Variants in DPPA2 observed in about 807,000 individuals in gnomAD.
DPPA2 encodes developmental pluripotency-associated protein 2.
A neutral mutation model predicts 36.2 loss-of-function variants in DPPA2; 26 were observed. That is an observed-to-expected ratio of 0.72 (90% CI 0.53 to 1.00). DPPA2 has a LOEUF of 1.00. Among genes scored for constraint, DPPA2 ranks in the 50% least tolerant of loss-of-function variants. The pLI, the probability that DPPA2 is intolerant of heterozygous loss-of-function variation, is 0.00. For synonymous variants in DPPA2, 113 were observed against 123.2 expected, an observed-to-expected ratio of 0.92 and a Z score of 0.55; for missense variants, 361 against 365.1, an observed-to-expected ratio of 0.99 and a Z score of 0.09.
At chr3:109,298,330 C>T (rs550007447) in intron 8 of DPPA2, among the ~76,000 whole-genome samples, 26 of 151,986 alleles carry the variant, frequency 1.7e-4, no homozygotes, top group Middle Eastern at 3.4e-3. Context: ...ACCTGTAATC[C>T]CTGAACTCAG....
chr3:109,312,780 T>C, intron 2 of DPPA2, 88 bp from the exon 3 acceptor site: 2 of 1,491,316 alleles, frequency 1.3e-6, no homozygotes, highest in Non-Finnish European at 1.8e-6. Flanking sequence ...AATAAGGAAC[T>C]GAGAAGACAG....
chr3:109,311,997 A>C (rs1285300729), intron 3 of DPPA2, among the ~76,000 whole-genome samples: 5 of 152,192 alleles, frequency 3.3e-5, no homozygotes, highest in African/African-American at 1.2e-4. Context: ...GCTGGTCCAG[A>C]AGAGCACTCT....
intron 8 of DPPA2, among the ~76,000 whole-genome samples, chr3:109,298,404 A>AC (rs1279156619): frequency 4.6e-5 from 7 of 151,926 alleles, no homozygotes; most frequent in Middle Eastern, 3.4e-3. Context: ...ACATGGTGAG[A>AC]CCCCATCTCT....
In DPPA2 at chr3:109,304,646, C is replaced by T; in HGVS notation, c.683G>A (p.Gly228Asp). The T allele has an allele frequency of 6.2e-7, 1 of 1,607,312 alleles. No individual in the cohort carries two copies. The highest frequency in any genetic ancestry group is 8.5e-7 in the Non-Finnish European group (1 of 1,177,434). The change falls in exon 7 of 9, where the codon GGC (glycine) becomes GAC (aspartate). Residue 228 changes from glycine (G) to aspartate (D), a missense_variant. Coordinates refer to ENST00000478945, the MANE Select transcript of DPPA2 (RefSeq NM_138815.4). ...CTTTGTGTCTGCCGAGAGAAGTCTG[C>T]CATGGACCACACACCACCTGACGCC... ...ASGVRWCVVH[G>D]RLLSADTKGW...
chr3:109,314,579 GTTAAGGATATGGTAGT>G, intron 1 of DPPA2, 24 bp from the exon 2 acceptor site: 2 of 1,605,092 alleles, frequency 1.2e-6, no homozygotes, highest in Non-Finnish European at 1.7e-6. Context: ...GGACAGCAAT[GTTAAGGATATGGTAGT>G]TTACTTCTCT....
chr3:109,308,265 C>A lies in DPPA2; in HGVS notation c.425G>T (p.Arg142Ile), dbSNP rs903745508. The A allele has an allele frequency of 6.2e-7, 1 of 1,614,218 alleles. No individual in the cohort carries two copies. Among genetic ancestry groups the A allele is most frequent in the Non-Finnish European group, 8.5e-7 (1 of 1,180,036 alleles). The change falls in exon 6 of 9, where the codon AGA becomes ATA. Residue 142 changes from arginine (R) to isoleucine (I), a missense_variant. Transcript: ENST00000478945. ...GCGTTTCCTCGAACATCGCTGTAATCTGGTCTCTTGTGACATTTCAGGCAT... is the reference window on the plus strand; with the variant it reads ...GCGTTTCCTCGAACATCGCTGTAATATGGTCTCTTGTGACATTTCAGGCAT... Reference protein sequence around the residue: ...QDMPEMSQETRLQRCSRKRKA... With the variant: ...QDMPEMSQETILQRCSRKRKA...
intron 6 of DPPA2, among the ~76,000 whole-genome samples, chr3:109,305,431 C>T (rs1435604300): frequency 6.6e-6 from 1 of 152,144 alleles, no homozygotes; most frequent in Non-Finnish European, 1.5e-5. Flanking sequence ...TACCTAACCA[C>T]TACATTGTAC....
chr3:109,304,759 T>G, intron 6 of DPPA2, 89 bp from the exon 7 acceptor site: 1 of 1,325,402 alleles, frequency 7.5e-7, no homozygotes, highest in African/African-American at 1.5e-5. Flanking sequence ...TTTGCTCTTG[T>G]ATTCTGCTCA....
At chr3:109,303,393 G>C (rs1189923424) in intron 7 of DPPA2, among the ~76,000 whole-genome samples, 5 of 145,276 alleles carry the variant, frequency 3.4e-5, no homozygotes, top group Admixed American at 3.4e-4. Context: ...TTTTTGAGAC[G>C]GAGTTTCACT....
intron 7 of DPPA2, among the ~76,000 whole-genome samples, chr3:109,303,275 T>G (rs1270794545): frequency 6.6e-6 from 1 of 151,978 alleles, no homozygotes; most frequent in Non-Finnish European, 1.5e-5. Context: ...CTTCCACAAC[T>G]GGTAAGCTCT....
chr3:109,311,097 C>T lies in DPPA2; in HGVS notation c.181+1448G>A, dbSNP rs186463453. ...GATTATAGGTGTAAGCCATCATGTCCGGCCTCAAACCTATGTTTGGATTCT... is the reference window on the plus strand; with the variant it reads ...GATTATAGGTGTAAGCCATCATGTCTGGCCTCAAACCTATGTTTGGATTCT... On this transcript the variant is annotated intron_variant, in intron 3 of 8. Transcript: ENST00000478945. Among the ~76,000 whole-genome samples, 25 of 152,242 alleles carry T rather than the reference C, an allele frequency of 1.6e-4. No individual in the cohort carries two copies. The East Asian group carries it at 2.9e-3, about 18-fold the overall frequency.
At chr3:109,310,331 C>T (rs1325021259) in intron 3 of DPPA2, among the ~76,000 whole-genome samples, 1 of 142,912 alleles carries the variant, frequency 7.0e-6, no homozygotes, top group Non-Finnish European at 1.5e-5. Context: ...TTGCTTGAAC[C>T]CAGGAGGCAG....
In DPPA2 at chr3:109,310,697, T is replaced by G. The variant is rs538541645; in HGVS notation, c.182-1367A>C. Among the ~76,000 whole-genome samples the G allele has an allele frequency of 2.3e-4, 35 of 150,566 alleles. No homozygotes were observed. In the East Asian group the frequency reaches 2.6e-3, roughly 11 times the overall value. On this transcript the variant is annotated intron_variant, in intron 3 of 8. Coordinates refer to ENST00000478945, the MANE Select transcript of DPPA2 (RefSeq NM_138815.4). ...ATTTTTGTATTTTTAGTAGAGACGG[T>G]GTTTCACTATGTTGGCCAGGCTGGT...
At chr3:109,294,323 T>C (rs908208141) in intron 8 of DPPA2, among the ~76,000 whole-genome samples, 3 of 152,190 alleles carry the variant, frequency 2.0e-5, no homozygotes, top group African/African-American at 4.8e-5. Flanking sequence ...TGATTAATGA[T>C]ACTTTCAGAA....
chr3:109,308,644 G>A (rs148914303), intron 5 of DPPA2, among the ~76,000 whole-genome samples: 175 of 152,352 alleles, frequency 1.1e-3, no homozygotes, highest in African/African-American at 3.9e-3. Flanking sequence ...TTACAGGCAT[G>A]AGCCACCACA....
rs528634375 is a variant in DPPA2 at position 109,308,262 on chromosome 3, A to G, written c.428T>C (p.Leu143Ser). 49 of 1,614,250 alleles carry G rather than the reference A, an allele frequency of 3.0e-5. No homozygotes were observed. The African/African-American group carries it at 5.6e-4, about 18-fold the overall frequency. Residue 143 changes from leucine (L) to serine (S), a missense_variant, in exon 6 of 9, where the codon TTA (leucine) becomes TCA (serine). Coordinates refer to ENST00000478945, the MANE Select transcript of DPPA2 (RefSeq NM_138815.4). ...DMPEMSQETR[L>S]QRCSRKRKAV... ...CTTGCGTTTCCTCGAACATCGCTGT[A>G]ATCTGGTCTCTTGTGACATTTCAGG... is the stretch of plus-strand genomic sequence containing the variant.
intron 8 of DPPA2, among the ~76,000 whole-genome samples, chr3:109,299,596 G>A (rs368410939): frequency 6.6e-5 from 10 of 150,480 alleles, no homozygotes; most frequent in South Asian, 6.3e-4. Context: ...GGAGGCAGGC[G>A]AATTGCTTGA....
At chr3:109,305,689 G>A (rs192410158) in intron 6 of DPPA2, among the ~76,000 whole-genome samples, 4 of 150,860 alleles carry the variant, frequency 2.7e-5, no homozygotes, top group Admixed American at 6.7e-5. Flanking sequence ...CAGGAGAATC[G>A]CCTGAACCTG....
At chr3:109,301,926 C>CCT (rs2107306466) in intron 7 of DPPA2, among the ~76,000 whole-genome samples, 1 of 152,192 alleles carries the variant, frequency 6.6e-6, no homozygotes, top group South Asian at 2.1e-4. Flanking sequence ...TTCTACTGAT[C>CCT]CTCTCAATCT....
Sources: allele counts gnomAD v4.1 joint callset (sites outside exome capture counted in the v4.1 genomes callset), GRCh38; gene constraint gnomAD v4.1.1; transcripts MANE v1.5; gene names NCBI Gene and HGNC (gene_info 2026-07-23, HGNC 2026-07-21).